ANKRD33B: variants seen among roughly 807,000 people sequenced by gnomAD.
ANKRD33B encodes the protein ankyrin repeat domain 33B, also known as ankyrin repeat domain-containing protein 33B.
ANKRD33B carries 6 observed loss-of-function variants against 21.5 expected under a neutral mutation model. That is an observed-to-expected ratio of 0.28 (90% confidence interval 0.15 to 0.55). ANKRD33B has a LOEUF of 0.55. Among genes scored for constraint, ANKRD33B ranks in the 20% least tolerant of loss-of-function variants. The pLI is 0.94. For synonymous variants in ANKRD33B, 347 were observed against 342.4 expected (o/e 1.01, Z -0.15); for missense variants, 698 against 747.2 (o/e 0.93, Z 0.77).
chr5:10,619,636 T>C lies in ANKRD33B; in HGVS notation c.496+1174T>C, dbSNP rs1383477205. Among the ~76,000 whole-genome samples the C allele has an allele frequency of 6.6e-6, 1 of 152,160 alleles. No homozygotes were observed. The highest frequency in any genetic ancestry group is 1.9e-4 in the East Asian group (1 of 5,184). The stretch of plus-strand genomic sequence containing the variant: ...GAAAGGGCCAGGGGCTGTGCTAACA[T>C]GTGTTCACCTCCTCAGGTTTCGAAG... On this transcript the variant is annotated intron_variant, in intron 2 of 3. Transcript: ENST00000296657. The surrounding 1 kb of genome is among the most constrained non-coding windows in gnomAD (Gnocchi z 4.5).
chr5:10,578,854 G>C (rs1413297029), intron 1 of ANKRD33B, among the ~76,000 whole-genome samples: 1 of 151,924 alleles, frequency 6.6e-6, no homozygotes, highest in Non-Finnish European at 1.5e-5. Context: ...AATTTTATTG[G>C]GTCTAAGAAT....
intron 1 of ANKRD33B, among the ~76,000 whole-genome samples, chr5:10,565,246 G>A (rs1579704255): frequency 1.3e-5 from 2 of 152,320 alleles, no homozygotes; most frequent in Admixed American, 1.3e-4. Flanking sequence ...CTCCTCCCCT[G>A]CAGGAGACAG....
intron 1 of ANKRD33B, among the ~76,000 whole-genome samples, chr5:10,592,566 G>A (rs1382529173): frequency 6.7e-6 from 1 of 150,068 alleles, no homozygotes; most frequent in Non-Finnish European, 1.5e-5. Context: ...AGGTTGCAAT[G>A]AGCTGAGCTG....
At chr5:10,577,681 C>T (rs538205071) in intron 1 of ANKRD33B, among the ~76,000 whole-genome samples, 3 of 152,306 alleles carry the variant, frequency 2.0e-5, no homozygotes, top group Non-Finnish European at 2.9e-5. Context: ...TTTTAAAACT[C>T]GAGAGACAAT....
intron 1 of ANKRD33B, among the ~76,000 whole-genome samples, chr5:10,615,494 G>T (rs1201075828): frequency 1.3e-5 from 2 of 152,226 alleles, no homozygotes; most frequent in Admixed American, 6.5e-5. Context: ...CATAGAATAG[G>T]ATAGTCTGTA....
rs1459281253 is a variant in ANKRD33B at position 10,651,257 on chromosome 5, C to G, written c.*1144C>G. ...ATTTCTTTTATTTTTCCTTTGAGGA[C>G]TGCGCTTGGTGTTTAGTTCATCCTT... On this transcript the variant is annotated 3_prime_UTR_variant, in exon 4 of 4. Coordinates refer to ENST00000296657, the MANE Select transcript of ANKRD33B (RefSeq NM_001164440.2). 6.6e-6 allele frequency: 1 copy of G among 152,318 alleles called. No individual in the cohort carries two copies. Among genetic ancestry groups the G allele is most frequent in the Non-Finnish European group, 1.5e-5 (1 of 68,058 alleles). 9.4% of individuals were successfully genotyped at this position (152,318 alleles called of 1,614,324 possible).
At chr5:10,566,096 G>A (rs1396263737) in intron 1 of ANKRD33B, among the ~76,000 whole-genome samples, 1 of 152,186 alleles carries the variant, frequency 6.6e-6, no homozygotes, top group Non-Finnish European at 1.5e-5. Context: ...ACAACACGTG[G>A]GAATTCAAGA....
intron 1 of ANKRD33B, among the ~76,000 whole-genome samples, chr5:10,605,453 AGGGTCT>A (rs1386267365): frequency 6.6e-6 from 1 of 152,194 alleles, no homozygotes; most frequent in Non-Finnish European, 1.5e-5. Context: ...GTACTAGGAC[AGGGTCT>A]GTGTTTTTGC....
chr5:10,587,660 G>A (rs972503513), intron 1 of ANKRD33B, among the ~76,000 whole-genome samples: 3 of 151,208 alleles, frequency 2.0e-5, no homozygotes, highest in Non-Finnish European at 2.9e-5. Context: ...TGAATTTTTC[G>A]GTGTTCTTTT....
In ANKRD33B at chr5:10,649,279, C is replaced by T. The variant is rs1737262579; in HGVS notation, c.651C>T (p.His217=). 9 of 1,524,584 alleles carry T rather than the reference C, an allele frequency of 5.9e-6. No individual in the cohort carries two copies. Among genetic ancestry groups the T allele is most frequent in the South Asian group, 3.6e-5 (3 of 83,622 alleles). 94.4% of individuals were successfully genotyped at this position (1,524,584 alleles called of 1,614,324 possible). The change falls in exon 4 of 4, where the codon CAC becomes CAT. Residue 217 remains histidine, a synonymous_variant. Transcript: ENST00000296657. The part of the protein sequence containing the change: ...RALMLAGADV[H]ARDPRRGMSP... The stretch of plus-strand genomic sequence containing the variant: ...TGCGTTTTGCAGGGGCGGATGTCCA[C>T]GCGAGGGACCCCCGCCGTGGGATGT...
chr5:10,606,350 A>G (rs558795523), intron 1 of ANKRD33B, among the ~76,000 whole-genome samples: 1 of 152,334 alleles, frequency 6.6e-6, no homozygotes, highest in East Asian at 1.9e-4. Context: ...TGTATTTTAC[A>G]TATTTATTTA....
chr5:10,638,015 C>T lies in ANKRD33B; in HGVS notation c.497-13C>T, dbSNP rs890207381. On this transcript the variant is annotated splice_polypyrimidine_tract_variant and intron_variant, in intron 2 of 3. Transcript: ENST00000296657. ...AAGTGGGAACCAATACACGTGTACACTTCTCTTTACAGGGCACGCTATCAT... is the reference window on the plus strand; with the variant it reads ...AAGTGGGAACCAATACACGTGTACATTTCTCTTTACAGGGCACGCTATCAT... 2 of 1,536,898 alleles carry T rather than the reference C, an allele frequency of 1.3e-6. No individual in the cohort carries two copies. The highest frequency in any genetic ancestry group is 1.4e-5 in the African/African-American group (1 of 73,028).
intron 1 of ANKRD33B, among the ~76,000 whole-genome samples, chr5:10,565,740 G>C (rs898316382): frequency 6.6e-6 from 1 of 152,272 alleles, no homozygotes; most frequent in African/African-American, 2.4e-5. Context: ...GAAAACTGCA[G>C]AGTGACCACG....
At chr5:10,637,158 A>C (rs1217179136) in intron 2 of ANKRD33B, among the ~76,000 whole-genome samples, 1 of 152,198 alleles carries the variant, frequency 6.6e-6, no homozygotes, top group Non-Finnish European at 1.5e-5. Context: ...CAGTTGACCC[A>C]AGAGGATGCT....
At chr5:10,631,690 C>CA (rs1315575228) in intron 2 of ANKRD33B, among the ~76,000 whole-genome samples, 2 of 152,210 alleles carry the variant, frequency 1.3e-5, no homozygotes, top group Non-Finnish European at 2.9e-5. Flanking sequence ...AGAGGAGAAA[C>CA]ACGCAAGTGT....
At chr5:10,572,626 C>T (rs1735223677) in intron 1 of ANKRD33B, among the ~76,000 whole-genome samples, 1 of 152,214 alleles carries the variant, frequency 6.6e-6, no homozygotes, top group Admixed American at 6.5e-5. Context: ...GCCCATGCCG[C>T]AGCGTTAGTG....
intron 1 of ANKRD33B, among the ~76,000 whole-genome samples, chr5:10,614,199 C>T (rs1339574281): frequency 6.6e-6 from 1 of 152,110 alleles, no homozygotes; most frequent in Non-Finnish European, 1.5e-5. Context: ...TGTGGGGAGG[C>T]CAGCCTTTTT....
rs1735330151 is a variant in ANKRD33B at position 10,576,794 on chromosome 5, T to A, written c.366+11961T>A. 6.6e-6 allele frequency among the ~76,000 whole-genome samples: 1 copy of A among 152,190 alleles called. No individual in the cohort carries two copies. The highest frequency in any genetic ancestry group is 2.4e-5 in the African/African-American group (1 of 41,454). ...GAAGAGTAGTTAAGAAAATAGCACATCCACATGGTGAGGCCTCTTTTGTAA... is the reference window on the plus strand; with the variant it reads ...GAAGAGTAGTTAAGAAAATAGCACAACCACATGGTGAGGCCTCTTTTGTAA... On this transcript the variant is annotated intron_variant, in intron 1 of 3. Transcript: ENST00000296657. This position sits in a 1 kb window ranked among gnomAD's most constrained non-coding sequence, Gnocchi z 4.1.
chr5:10,573,769 A>G (rs1453194231), intron 1 of ANKRD33B, among the ~76,000 whole-genome samples: 1 of 152,190 alleles, frequency 6.6e-6, no homozygotes, highest in African/African-American at 2.4e-5. Flanking sequence ...TATCATGAGA[A>G]CAGCAAGGGG....
Sources: gnomAD v4.1 joint callset for allele counts (sites outside exome capture counted in the v4.1 genomes callset) on GRCh38, gnomAD v4.1.1 for gene constraint, Gnocchi (gnomAD v3.1) non-coding constraint, MANE v1.5 for transcripts, NCBI Gene and HGNC (gene_info 2026-07-23, HGNC 2026-07-21) for gene names.